Variants in UBE2QL1 observed in about 807,000 individuals in gnomAD.
The protein encoded by UBE2QL1 is ubiquitin-conjugating enzyme E2Q-like protein 1.
UBE2QL1 carries 5 observed loss-of-function variants against 12.6 expected under a neutral mutation model. That is an observed-to-expected ratio of 0.40 (90% CI 0.21 to 0.83). The LOEUF (loss-of-function observed/expected upper bound fraction) is 0.83. Among genes scored for constraint, UBE2QL1 ranks in the 40% least tolerant of loss-of-function variants. The pLI is 0.37. For missense variants in UBE2QL1, 99 were observed against 222.6 expected (o/e 0.44, Z 3.53); for synonymous variants, 96 against 94.5 (o/e 1.02, Z -0.10).
In UBE2QL1 at chr5:6,496,531, T is replaced by C. The variant is rs1734665959; in HGVS notation, c.*5182T>C. Reference sequence around the variant, plus strand: ...ACTTTGGTGTATCCTGTTTCCAGAGTTGTCCTCTTCTGTGATCCTCAAAAG... The same window carrying C: ...ACTTTGGTGTATCCTGTTTCCAGAGCTGTCCTCTTCTGTGATCCTCAAAAG... On this transcript the variant is annotated 3_prime_UTR_variant, in exon 2 of 2. Coordinates refer to ENST00000399816, the MANE Select transcript of UBE2QL1 (RefSeq NM_001145161.3). 2.0e-5 allele frequency among the ~76,000 whole-genome samples: 3 copies of C among 152,064 alleles called. 1 individual carries two copies. Among genetic ancestry groups the C allele is most frequent in the Non-Finnish European group, 4.4e-5 (3 of 68,016 alleles).
chr5:6,477,324 ACTC>A (rs1300147727), intron 1 of UBE2QL1, among the ~76,000 whole-genome samples: 1 of 152,066 alleles, frequency 6.6e-6, no homozygotes, highest in African/African-American at 2.4e-5. Flanking sequence ...ACGGAGCACA[ACTC>A]CTTGCACTGA....
At chr5:6,454,766 G>A (rs763610616) in intron 1 of UBE2QL1, among the ~76,000 whole-genome samples, 3 of 152,142 alleles carry the variant, frequency 2.0e-5, no homozygotes, top group South Asian at 2.1e-4. Flanking sequence ...CATCTGATTC[G>A]TCCAGGGAGA....
chr5:6,477,422 G>A (rs991545891), intron 1 of UBE2QL1, among the ~76,000 whole-genome samples: 4 of 151,946 alleles, frequency 2.6e-5, no homozygotes, highest in African/African-American at 4.8e-5. Flanking sequence ...TGACAGGTGC[G>A]CCCGGAGATC....
chr5:6,450,382 G>A (rs1387100491), intron 1 of UBE2QL1, among the ~76,000 whole-genome samples: 1 of 152,216 alleles, frequency 6.6e-6, no homozygotes. Flanking sequence ...AGCAGGGTGA[G>A]TGCGTGATGG....
chr5:6,490,998 C>G (rs1290839413), intron 1 of UBE2QL1, among the ~76,000 whole-genome samples: 2 of 152,176 alleles, frequency 1.3e-5, no homozygotes, highest in East Asian at 3.9e-4. Flanking sequence ...CCCCCCTCCC[C>G]TAAAAGGCTG....
intron 1 of UBE2QL1, among the ~76,000 whole-genome samples, chr5:6,466,800 T>C (rs1410483698): frequency 3.9e-5 from 6 of 152,238 alleles, no homozygotes; most frequent in African/African-American, 1.4e-4. Context: ...ACTGAATTTA[T>C]TGGTCAGAGT....
rs1367630393 is a variant in UBE2QL1, at chr5:6,493,060, G to T, written c.*1711G>T. 1 of 152,220 alleles carries T rather than the reference G, an allele frequency of 6.6e-6. No homozygotes were observed. The highest frequency in any genetic ancestry group is 2.4e-5 in the African/African-American group (1 of 41,454). The allele number at this position is 152,220 out of a possible 1,614,324, so 9.4% of individuals were successfully genotyped here. A position where few individuals can be genotyped will look rare whatever the true frequency, so the allele number is the denominator to read the frequency against. On this transcript the variant is annotated 3_prime_UTR_variant, in exon 2 of 2. Coordinates refer to ENST00000399816, the MANE Select transcript of UBE2QL1 (RefSeq NM_001145161.3). ...TTACCACTTTCTTATTTGCCCCCAAGTGCACACAGGCAGCTCTGCCAGACC... is the reference window on the plus strand; with the variant it reads ...TTACCACTTTCTTATTTGCCCCCAATTGCACACAGGCAGCTCTGCCAGACC...
chr5:6,451,916 T>TG (rs1739419386), intron 1 of UBE2QL1, among the ~76,000 whole-genome samples: 2 of 152,192 alleles, frequency 1.3e-5, no homozygotes, highest in Non-Finnish European at 2.9e-5. Context: ...AAATACCTGA[T>TG]TAGGTATTCA....
At position 6,491,347 on chromosome 5, in the gene UBE2QL1, T is replaced by C; in HGVS notation, c.484T>C (p.Ter162ArgextTer70). Reference sequence around the variant, plus strand: ...GGTCACCCCGCCCGTGTCCGACGGCTGATGTCTGCCACGTGCAGTAGACGC... The same window carrying C: ...GGTCACCCCGCCCGTGTCCGACGGCCGATGTCTGCCACGTGCAGTAGACGC... Reference protein sequence around the residue: ...GWVTPPVSDG* With the variant: ...GWVTPPVSDGR The change falls in exon 2 of 2, where the codon TGA becomes CGA. Residue 162 changes from the stop codon to arginine (R), a stop_lost. Coordinates refer to ENST00000399816, the MANE Select transcript of UBE2QL1 (RefSeq NM_001145161.3). The C allele has an allele frequency of 6.5e-7, 1 of 1,549,742 alleles. No individual in the cohort carries two copies. The highest frequency in any genetic ancestry group is 8.7e-7 in the Non-Finnish European group (1 of 1,146,158).
At position 6,453,903 on chromosome 5, in the gene UBE2QL1, A is replaced by G. The variant is rs528520954; in HGVS notation, c.354+4656A>G. Among the ~76,000 whole-genome samples, 4 of 152,194 alleles carry G rather than the reference A, an allele frequency of 2.6e-5. No individual in the cohort carries two copies. In the East Asian group the frequency reaches 7.7e-4, roughly 29 times the overall value. ...CTATAACACAGAGATTTTTTTTGAGACAGGGTCCCCTCTATCACCCAGGCT... is the reference window on the plus strand; with the variant it reads ...CTATAACACAGAGATTTTTTTTGAGGCAGGGTCCCCTCTATCACCCAGGCT... On this transcript the variant is annotated intron_variant, in intron 1 of 1. Transcript: ENST00000399816.
At chr5:6,450,319 C>A (rs1428917985) in intron 1 of UBE2QL1, among the ~76,000 whole-genome samples, 1 of 152,158 alleles carries the variant, frequency 6.6e-6, no homozygotes, top group Non-Finnish European at 1.5e-5. Context: ...TGAGCCTTCT[C>A]ACCTATTGCA....
Position 6,491,458 on chromosome 5 carries a change from T to G in UBE2QL1, c.*109T>G. 2 of 1,381,094 alleles carry G rather than the reference T, an allele frequency of 1.4e-6. No homozygotes were observed. The highest frequency in any genetic ancestry group is 1.9e-6 in the Non-Finnish European group (2 of 1,050,434). The allele number at this position is 1,381,094 out of a possible 1,614,324, so 85.6% of individuals were successfully genotyped here. A position where few individuals can be genotyped will look rare whatever the true frequency, so the allele number is the denominator to read the frequency against. On this transcript the variant is annotated 3_prime_UTR_variant, in exon 2 of 2. Transcript: ENST00000399816. Reference sequence around the variant, plus strand: ...CACCCGTTTTTACTCCAGCCAGAACTGCATCCTGAATGCCCAGGAGACGTT... The same window carrying G: ...CACCCGTTTTTACTCCAGCCAGAACGGCATCCTGAATGCCCAGGAGACGTT...
At chr5:6,463,627 TA>T (rs1739722098) in intron 1 of UBE2QL1, among the ~76,000 whole-genome samples, 5 of 146,606 alleles carry the variant, frequency 3.4e-5, no homozygotes, top group African/African-American at 1.3e-4. Context: ...TTATTATTAT[TA>T]TTATTATTAT....
rs1411102652 is a variant in UBE2QL1, at chr5:6,449,217, C to T, written c.324C>T (p.Arg108=). ...CCTACACCGTGGAGGCCGTCATGCG[C>T]CAGTTCGCAGCCAGCCTGGTCAAGG... ...SSAYTVEAVM[R]QFAASLVKGQ... is the part of the protein sequence containing the mutation. The change falls in exon 1 of 2, where the codon CGC becomes CGT. Residue 108 remains arginine, a synonymous_variant. Coordinates refer to ENST00000399816, the MANE Select transcript of UBE2QL1 (RefSeq NM_001145161.3). 6.8e-7 allele frequency: 1 copy of T among 1,466,866 alleles called. No homozygotes were observed. Among genetic ancestry groups the T allele is most frequent in the African/African-American group, 1.4e-5 (1 of 69,332 alleles). 90.9% of individuals were successfully genotyped at this position (1,466,866 alleles called of 1,614,324 possible).
At position 6,491,465 on chromosome 5, in the gene UBE2QL1, T is replaced by C; in HGVS notation, c.*116T>C. 1 of 1,343,056 alleles carries C rather than the reference T, an allele frequency of 7.4e-7. No homozygotes were observed. Among genetic ancestry groups the C allele is most frequent in the Non-Finnish European group, 9.8e-7 (1 of 1,018,038 alleles). 83.2% of individuals were successfully genotyped at this position (1,343,056 alleles called of 1,614,324 possible). ...TTTTACTCCAGCCAGAACTGCATCC[T>C]GAATGCCCAGGAGACGTTTAAGTTA... On this transcript the variant is annotated 3_prime_UTR_variant, in exon 2 of 2. Coordinates refer to ENST00000399816, the MANE Select transcript of UBE2QL1 (RefSeq NM_001145161.3).
At position 6,466,115 on chromosome 5, in the gene UBE2QL1, G is replaced by A. The variant is rs528545349; in HGVS notation, c.354+16868G>A. Among the ~76,000 whole-genome samples the A allele has an allele frequency of 7.2e-5, 11 of 151,940 alleles. No homozygotes were observed. The South Asian group carries it at 2.1e-3, about 29-fold the overall frequency. On this transcript the variant is annotated intron_variant, in intron 1 of 1. Coordinates refer to ENST00000399816, the MANE Select transcript of UBE2QL1 (RefSeq NM_001145161.3). ...TGCGGGGAGGCATGGAGAGGCTGAGGCCTCCCCACTGACTCGGCAGCCACG... is the reference window on the plus strand; with the variant it reads ...TGCGGGGAGGCATGGAGAGGCTGAGACCTCCCCACTGACTCGGCAGCCACG...
In UBE2QL1 at chr5:6,494,663, A is replaced by C. The variant is rs770508479; in HGVS notation, c.*3314A>C. On this transcript the variant is annotated 3_prime_UTR_variant, in exon 2 of 2. Transcript: ENST00000399816. ...ATTTTCGTAGTATTAGGACGTTTAC[A>C]TTACAGCAGGCTTTAATTAGAACCC... 2.0e-5 allele frequency: 3 copies of C among 152,244 alleles called. No individual in the cohort carries two copies. The East Asian group carries it at 5.8e-4, about 29-fold the overall frequency. The allele number at this position is 152,244 out of a possible 1,614,324, so 9.4% of individuals were successfully genotyped here.
chr5:6,458,616 T>A (rs1345502720), intron 1 of UBE2QL1, among the ~76,000 whole-genome samples: 4 of 152,070 alleles, frequency 2.6e-5, no homozygotes, highest in Admixed American at 6.5e-5. Flanking sequence ...CCGTAAGATG[T>A]CTGTCAGGAA....
intron 1 of UBE2QL1, among the ~76,000 whole-genome samples, chr5:6,487,381 C>CA (rs1354563923): frequency 5.3e-5 from 8 of 152,190 alleles, no homozygotes; most frequent in African/African-American, 1.9e-4. Flanking sequence ...TTCTGTATTA[C>CA]AATGAGACTT....
Sources: allele counts gnomAD v4.1 joint callset (sites outside exome capture counted in the v4.1 genomes callset), GRCh38; gene constraint gnomAD v4.1.1; transcripts MANE v1.5; gene names NCBI Gene and HGNC (gene_info 2026-07-23, HGNC 2026-07-21).